Variants in LCOR observed in about 807,000 individuals in gnomAD.
LCOR encodes the protein ligand-dependent corepressor.
LCOR carries 14 observed loss-of-function variants against 64.4 expected under a neutral mutation model. The ratio of observed to expected loss-of-function variants is 0.22; its 90% CI spans 0.14 to 0.34. The LOEUF (loss-of-function observed/expected upper bound fraction) is 0.34. Among genes scored for constraint, LCOR ranks in the 10% least tolerant of loss-of-function variants. The pLI is 1.00. For synonymous variants in LCOR, 643 were observed against 642.5 expected (o/e 1.00, Z -0.01); for missense variants, 1,686 against 1,765.3 (o/e 0.96, Z 0.80).
intron 6 of LCOR, among the ~76,000 whole-genome samples, chr10:96,950,432 T>A (rs939910057): frequency 1.3e-5 from 2 of 152,116 alleles, no homozygotes; most frequent in Non-Finnish European, 2.9e-5. Context: ...ACTGTTTTCT[T>A]TTCCACAAAT....
intron 2 of LCOR, among the ~76,000 whole-genome samples, chr10:96,867,807 A>G (rs1017323137): frequency 1.3e-5 from 2 of 152,132 alleles, no homozygotes; most frequent in Admixed American, 1.3e-4. Flanking sequence ...ATAAATATAT[A>G]TAAATTTTAG....
At chr10:96,934,085 TACA>T (rs1847308406) in intron 4 of LCOR, among the ~76,000 whole-genome samples, 1 of 152,224 alleles carries the variant, frequency 6.6e-6, no homozygotes, top group African/African-American at 2.4e-5. Flanking sequence ...TAATTCTAAA[TACA>T]ACAACTCTTA....
intron 2 of LCOR, among the ~76,000 whole-genome samples, chr10:96,860,566 A>G (rs1845872168): frequency 6.6e-6 from 1 of 152,238 alleles, no homozygotes; most frequent in South Asian, 2.1e-4. Flanking sequence ...GTTTTCAGCC[A>G]GTTACCCAGT....
At chr10:96,853,820 C>G (rs1845758600) in intron 2 of LCOR, among the ~76,000 whole-genome samples, 1 of 152,044 alleles carries the variant, frequency 6.6e-6, no homozygotes, top group Non-Finnish European at 1.5e-5. Context: ...CTGGAGTGGC[C>G]TTAGGAAACT....
intron 2 of LCOR, among the ~76,000 whole-genome samples, chr10:96,856,711 A>G (rs891121986): frequency 6.6e-6 from 1 of 151,746 alleles, no homozygotes; most frequent in African/African-American, 2.4e-5. Context: ...TCCTGAGCTC[A>G]GGTGATTCTC....
chr10:96,908,203 G>A (rs1251721448), intron 4 of LCOR: 2 of 152,104 alleles, frequency 1.3e-5, no homozygotes, highest in Non-Finnish European at 2.9e-5. Context: ...TATTGGGCAG[G>A]CTGGTCTTGA....
At chr10:96,841,465 A>G (rs1352484226) in intron 2 of LCOR, among the ~76,000 whole-genome samples, 1 of 151,520 alleles carries the variant, frequency 6.6e-6, no homozygotes, top group Non-Finnish European at 1.5e-5. Context: ...GGCTGAAGCA[A>G]TTATCTTGCC....
chr10:96,899,323 C>A (rs528167636), intron 2 of LCOR, among the ~76,000 whole-genome samples: 18 of 152,198 alleles, frequency 1.2e-4, no homozygotes, highest in African/African-American at 3.9e-4. Flanking sequence ...TTATAAATAT[C>A]TTAACGGCAG....
intron 2 of LCOR, among the ~76,000 whole-genome samples, chr10:96,839,145 G>T (rs776700012): frequency 2.6e-5 from 4 of 152,188 alleles, no homozygotes; most frequent in African/African-American, 4.8e-5. Flanking sequence ...TCATGTGCTT[G>T]TTGGCCATTT....
intron 7 of LCOR, chr10:96,956,187 A>G (rs920724616): frequency 1.7e-6 from 2 of 1,204,124 alleles, no homozygotes; most frequent in African/African-American, 1.6e-5. Context: ...GAGAACAGAT[A>G]CATGGAAGTG....
At chr10:96,897,760 TG>T (rs1368208926) in intron 2 of LCOR, among the ~76,000 whole-genome samples, 1 of 152,060 alleles carries the variant, frequency 6.6e-6, no homozygotes, top group Non-Finnish European at 1.5e-5. Flanking sequence ...CTGCTGTTTG[TG>T]GGCCAGCAAA....
At chr10:96,892,990 A>T in intron 2 of LCOR, among the ~76,000 whole-genome samples, 1 of 152,048 alleles carries the variant, frequency 6.6e-6, no homozygotes, top group East Asian at 1.9e-4. Context: ...GTCTTATATC[A>T]GTTTTGTTCA....
chr10:96,897,736 G>A (rs983585690), intron 2 of LCOR, among the ~76,000 whole-genome samples: 5 of 151,600 alleles, frequency 3.3e-5, no homozygotes, highest in Admixed American at 6.6e-5. Context: ...ACAGCTTTCC[G>A]CAAAAAAAGT....
intron 2 of LCOR, among the ~76,000 whole-genome samples, chr10:96,890,158 A>T (rs1451163040): frequency 6.6e-6 from 1 of 152,024 alleles, no homozygotes; most frequent in Non-Finnish European, 1.5e-5. Context: ...GCTGGAGTGC[A>T]GTGGCATGAT....
chr10:96,841,755 A>C (rs928607531), intron 2 of LCOR, among the ~76,000 whole-genome samples: 1 of 151,744 alleles, frequency 6.6e-6, no homozygotes, highest in African/African-American at 2.4e-5. Flanking sequence ...TTAAAAAATA[A>C]ATAAATAAAT....
chr10:96,879,773 T>C (rs1390822220), intron 2 of LCOR, among the ~76,000 whole-genome samples: 1 of 152,120 alleles, frequency 6.6e-6, no homozygotes, highest in Non-Finnish European at 1.5e-5. Context: ...GCTTTTCTCA[T>C]GCCTCAGCCT....
At chr10:96,848,868 C>G (rs1257384922) in intron 2 of LCOR, among the ~76,000 whole-genome samples, 1 of 151,918 alleles carries the variant, frequency 6.6e-6, no homozygotes, top group Non-Finnish European at 1.5e-5. Flanking sequence ...TTTCATTCAC[C>G]TTTCTTCCTC....
At chr10:96,894,317 TC>T (rs1482166815) in intron 2 of LCOR, among the ~76,000 whole-genome samples, 2 of 152,180 alleles carry the variant, frequency 1.3e-5, no homozygotes, top group African/African-American at 4.8e-5. Flanking sequence ...GACCACGTGA[TC>T]CGACCACCTT....
chr10:96,863,793 T>G (rs893492080), intron 2 of LCOR, among the ~76,000 whole-genome samples: 1 of 152,224 alleles, frequency 6.6e-6, no homozygotes, highest in Non-Finnish European at 1.5e-5. Flanking sequence ...TAAGTTTAAG[T>G]TGATATTTTT....
Sources: gnomAD v4.1 joint callset for allele counts (sites outside exome capture counted in the v4.1 genomes callset) on GRCh38, gnomAD v4.1.1 for gene constraint, MANE v1.5 for transcripts, NCBI Gene and HGNC (gene_info 2026-07-23, HGNC 2026-07-21) for gene names.